LRRC74B: variants seen among roughly 807,000 people sequenced by gnomAD.
LRRC74B encodes leucine rich repeat containing 74B.
Under a neutral mutation model 16.6 loss-of-function variants are expected in LRRC74B, and 30 were observed. The ratio of observed to expected loss-of-function variants is 1.80; its 90% CI spans 1.35 to 2.45. The LOEUF is 2.45. LRRC74B is among the 30% of genes most tolerant of loss of function. The pLI is 0.00. For synonymous variants in LRRC74B, 134 were observed against 86.0 expected (o/e 1.56, Z -3.09); for missense variants, 326 against 202.4 (o/e 1.61, Z -3.71).
At chr22:21,057,644 G>T (rs1319443445) in intron 8 of LRRC74B, among the ~76,000 whole-genome samples, 1 of 142,514 alleles carries the variant, frequency 7.0e-6, no homozygotes, top group East Asian at 2.0e-4. Context: ...TTTGAGTCAG[G>T]GTCTCACTCT....
intron 4 of LRRC74B, among the ~76,000 whole-genome samples, chr22:21,049,980 C>T (rs974495153): frequency 3.3e-5 from 5 of 152,182 alleles, no homozygotes; most frequent in African/African-American, 1.2e-4. Context: ...CTGAACCAAA[C>T]TCTTAGGGGA....
Position 21,060,482 on chromosome 22 carries a change from T to G in LRRC74B, c.1133T>G (p.Leu378Trp), listed in dbSNP as rs1317624327. 5.6e-6 allele frequency: 4 copies of G among 716,460 alleles called. No individual in the cohort carries two copies. In the East Asian group the frequency reaches 1.1e-4, roughly 19 times the overall value. 44.4% of individuals were successfully genotyped at this position (716,460 alleles called of 1,614,324 possible). Residue 378 changes from leucine to tryptophan, a missense_variant, in exon 9 of 9, where the codon TTG (leucine) becomes TGG (tryptophan). By Grantham distance (61) the Leu-to-Trp change is moderately conservative. Transcript: ENST00000442047. ...TGCAGAGTGGAGTATAAAAAGGAGT[T>G]GCTGCCAGTCTTCAGATCAGCCCTG... is the stretch of plus-strand genomic sequence containing the variant.
exon 2 of LRRC74B, chr22:21,047,476 G>A (rs1280560506): frequency 2.0e-5 from 14 of 717,350 alleles, no homozygotes; most frequent in African/African-American, 3.5e-5. Context: ...CTGAACCTCC[G>A]GCACCGTGGC....
rs566915680 is a variant in LRRC74B, at chr22:21,047,623, C to T, written c.282+125C>T. On this transcript the variant is annotated intron_variant, in intron 2 of 8. Transcript: ENST00000442047. The stretch of plus-strand genomic sequence containing the variant: ...TTCTGCCTGTGTCAGTCATGCCCTA[C>T]CCTCCACATCTGGGAGACAGATGGG... 646 of 630,424 alleles carry T rather than the reference C, an allele frequency of 1.0e-3. 6 individuals are homozygous for T. The highest frequency in any genetic ancestry group is 9.8e-3 in the African/African-American group (541 of 55,064). The allele number at this position is 630,424 out of a possible 1,614,324, so 39.1% of individuals were successfully genotyped here. A position where few individuals can be genotyped will look rare whatever the true frequency, so the allele number is the denominator to read the frequency against.
intron 4 of LRRC74B, among the ~76,000 whole-genome samples, chr22:21,050,249 C>A (rs1309754722): frequency 2.0e-4 from 30 of 152,046 alleles, no homozygotes; most frequent in East Asian, 5.9e-4. Context: ...GTTGGTCAGG[C>A]TGGTCTCGAA....
intron 3 of LRRC74B, chr22:21,048,464 G>A: frequency 3.9e-6 from 1 of 259,652 alleles, no homozygotes; most frequent in Non-Finnish European, 7.6e-6. Context: ...CTGAGCTTCA[G>A]TTTCTGATCT....
chr22:21,047,401 G>A, exon 2 of LRRC74B: 2 of 717,520 alleles, frequency 2.8e-6, no homozygotes, highest in East Asian at 2.7e-5. Context: ...CTGTACCTGA[G>A]GTCTTGCCGG....
chr22:21,058,942 T>A (rs1930679808), intron 8 of LRRC74B, among the ~76,000 whole-genome samples: 1 of 152,128 alleles, frequency 6.6e-6, no homozygotes, highest in African/African-American at 2.4e-5. Context: ...AGTCAAAGAA[T>A]CATAAACGAT....
chr22:21,050,057 GAC>G (rs1334707209), intron 4 of LRRC74B, among the ~76,000 whole-genome samples: 22 of 152,018 alleles, frequency 1.4e-4, no homozygotes, highest in Non-Finnish European at 1.9e-4. Context: ...TATTTTTTGA[GAC>G]AGAGTCTCGC....
chr22:21,057,066 G>C, intron 7 of LRRC74B, 39 bp from the exon 8 acceptor site: 1 of 716,256 alleles, frequency 1.4e-6, no homozygotes, highest in Non-Finnish European at 2.6e-6. Context: ...TGGCCTTCCC[G>C]GACCTGGCTT....
chr22:21,049,381 C>T (rs568605617), intron 4 of LRRC74B: 646 of 544,014 alleles, frequency 1.2e-3, no homozygotes, highest in Non-Finnish European at 1.7e-3. Flanking sequence ...TGGGCACTGA[C>T]TTAGCCACCA....
chr22:21,046,314 C>T (rs1929428322), intron 1 of LRRC74B, among the ~76,000 whole-genome samples, 189 bp downstream of exon 1: 1 of 133,760 alleles, frequency 7.5e-6, no homozygotes, highest in Non-Finnish European at 1.7e-5. Flanking sequence ...CCAGACAGTG[C>T]ACCAAGGGCT....
chr22:21,056,702 G>A (rs757021978), intron 7 of LRRC74B: 10 of 199,642 alleles, frequency 5.0e-5, no homozygotes, highest in South Asian at 3.2e-4. Context: ...GTCCAGCTCC[G>A]GCCACCTCAC....
downstream of LRRC74B, chr22:21,062,594 T>C (rs1930860391): frequency 6.7e-6 from 1 of 148,490 alleles, no homozygotes; most frequent in Non-Finnish European, 1.5e-5. Flanking sequence ...GCGGCTATAA[T>C]CCCAGCCACT....
chr22:21,047,595 A>C, intron 2 of LRRC74B, 97 bp downstream of exon 2: 1 of 655,428 alleles, frequency 1.5e-6, no homozygotes. Context: ...TACACTCCCC[A>C]GCTTCTGCCT....
intron 6 of LRRC74B, 77 bp from the exon 7 acceptor site, chr22:21,055,021 G>A (rs1601819093): frequency 1.4e-6 from 1 of 691,592 alleles, no homozygotes. Context: ...CAGCTCCAGT[G>A]GGCACCCTGG....
At chr22:21,061,349 G>A (rs1331464994), downstream of LRRC74B, among the ~76,000 whole-genome samples, 1 of 152,112 alleles carries the variant, frequency 6.6e-6, no homozygotes, top group African/African-American at 2.4e-5. Context: ...TGGAAATGCT[G>A]TTTATCATAA....
rs549312087 is a variant in LRRC74B, at chr22:21,048,055, T to A, written c.415+39T>A. ...CTGGGGCAGGTGGGCAGGCGTGTCC[T>A]CCTTTTCCTCAGGGATGTGCCTCCA... On this transcript the variant is annotated intron_variant, in intron 3 of 8. Coordinates refer to ENST00000442047, the Ensembl canonical transcript of LRRC74B. The A allele has an allele frequency of 2.0e-4, 144 of 715,944 alleles. 1 individual carries two copies. The South Asian group carries it at 2.1e-3, about 10-fold the overall frequency. 44.3% of individuals were successfully genotyped at this position (715,944 alleles called of 1,614,324 possible). A position where few individuals can be genotyped will look rare whatever the true frequency, so the allele number is the denominator to read the frequency against.
chr22:21,060,254 T>C lies in LRRC74B; in HGVS notation c.1024-119T>C, dbSNP rs1930745929. On this transcript the variant is annotated intron_variant, in intron 8 of 8. Coordinates refer to ENST00000442047, the Ensembl canonical transcript of LRRC74B. ...TTACTAGTTTGCGGGTATGAGACTG[T>C]CATCCACAGGGGAGAAGCTGCCCGA... 3 of 609,886 alleles carry C rather than the reference T, an allele frequency of 4.9e-6. No homozygotes were observed. The East Asian group carries it at 8.3e-5, about 17-fold the overall frequency. 37.8% of individuals were successfully genotyped at this position (609,886 alleles called of 1,614,324 possible).
Sources: gnomAD v4.1 joint callset for allele counts (sites outside exome capture counted in the v4.1 genomes callset) on GRCh38, gnomAD v4.1.1 for gene constraint, MANE v1.5 for transcripts, NCBI Gene and HGNC (gene_info 2026-07-23, HGNC 2026-07-21) for gene names.